CSMD1: variants seen among roughly 807,000 people sequenced by gnomAD.
CSMD1 encodes the protein CUB and sushi domain-containing protein 1.
A neutral mutation model predicts 417.5 loss-of-function variants in CSMD1; 213 were observed. That is an observed-to-expected ratio of 0.51 (90% confidence interval 0.46 to 0.57). The LOEUF (loss-of-function observed/expected upper bound fraction) is 0.57. CSMD1 is among the 20% of genes least tolerant of loss of function. CSMD1 has a pLI of 0.00. For synonymous variants in CSMD1, 2,862 were observed against 1,736.8 expected (o/e 1.65, Z -16.11); for missense variants, 6,923 against 4,529.7 (o/e 1.53, Z -15.17).
At chr8:3,484,849 A>G (rs1024684730) in intron 11 of CSMD1, among the ~76,000 whole-genome samples, 1 of 152,206 alleles carries the variant, frequency 6.6e-6, no homozygotes, top group Admixed American at 6.5e-5. Flanking sequence ...AGCCATCAGG[A>G]AAATGCAAAT....
chr8:3,875,004 C>G (rs1479828047), intron 5 of CSMD1, among the ~76,000 whole-genome samples: 1 of 151,228 alleles, frequency 6.6e-6, no homozygotes, highest in Non-Finnish European at 1.5e-5. Context: ...TGCATCATCT[C>G]AAGAAGAATG....
chr8:4,582,666 G>A (rs922154584), intron 2 of CSMD1, among the ~76,000 whole-genome samples: 4 of 152,204 alleles, frequency 2.6e-5, no homozygotes, highest in Admixed American at 6.5e-5. Context: ...CAGCAGGCTG[G>A]CAGTCCTCCC....
intron 3 of CSMD1, among the ~76,000 whole-genome samples, chr8:4,256,082 C>A (rs375477917): frequency 6.6e-6 from 1 of 152,166 alleles, no homozygotes; most frequent in Non-Finnish European, 1.5e-5. Context: ...TGTAGGCAAA[C>A]GTAGGTGAAT....
At chr8:3,862,848 C>G (rs1051130775) in intron 5 of CSMD1, among the ~76,000 whole-genome samples, 1 of 152,158 alleles carries the variant, frequency 6.6e-6, no homozygotes, top group Non-Finnish European at 1.5e-5. Context: ...GTGTCAAAAT[C>G]TCTTGGTCAT....
At chr8:3,886,837 A>C (rs1806597203) in intron 5 of CSMD1, among the ~76,000 whole-genome samples, 1 of 152,172 alleles carries the variant, frequency 6.6e-6, no homozygotes, top group African/African-American at 2.4e-5. Flanking sequence ...CACAGATCTA[A>C]TTCAAAACTT....
At chr8:3,068,173 TTCTC>T (rs1366693277) in intron 49 of CSMD1, among the ~76,000 whole-genome samples, 1 of 152,240 alleles carries the variant, frequency 6.6e-6, no homozygotes, top group Non-Finnish European at 1.5e-5. Flanking sequence ...TTTTCACCAT[TTCTC>T]TCTGTGGTAA....
chr8:4,488,923 T>C (rs1801558674), intron 2 of CSMD1, among the ~76,000 whole-genome samples: 1 of 152,208 alleles, frequency 6.6e-6, no homozygotes, highest in African/African-American at 2.4e-5. Flanking sequence ...AACATTTTTT[T>C]ATTTTTGAGA....
intron 3 of CSMD1, among the ~76,000 whole-genome samples, chr8:4,216,089 T>C (rs1305022678): frequency 6.6e-6 from 1 of 152,222 alleles, no homozygotes; most frequent in African/African-American, 2.4e-5. Context: ...ATGCTATTTC[T>C]TGGCATGCAG....
intron 10 of CSMD1, among the ~76,000 whole-genome samples, chr8:3,494,901 G>A (rs1796303406): frequency 6.6e-6 from 1 of 152,172 alleles, no homozygotes; most frequent in Non-Finnish European, 1.5e-5. Flanking sequence ...GTAAGTGGTA[G>A]CATAGAGAAG....
chr8:4,669,415 A>G (rs1288790573), intron 1 of CSMD1, among the ~76,000 whole-genome samples: 1 of 152,196 alleles, frequency 6.6e-6, no homozygotes, highest in Non-Finnish European at 1.5e-5. Flanking sequence ...ATTTGAGAAA[A>G]TAGTTGTAGT....
intron 3 of CSMD1, among the ~76,000 whole-genome samples, chr8:4,128,490 A>G (rs936773264): frequency 6.6e-6 from 1 of 150,666 alleles, no homozygotes; most frequent in African/African-American, 2.4e-5. Flanking sequence ...AAAATTTAAA[A>G]CAACCAAACA....
At chr8:3,585,471 T>C (rs1306710465) in intron 9 of CSMD1, among the ~76,000 whole-genome samples, 1 of 152,218 alleles carries the variant, frequency 6.6e-6, no homozygotes, top group Non-Finnish European at 1.5e-5. Context: ...TTAATTTTAT[T>C]ATTATTTTCA....
chr8:4,353,102 A>T (rs1002666477), intron 3 of CSMD1, among the ~76,000 whole-genome samples: 2 of 152,206 alleles, frequency 1.3e-5, no homozygotes. Flanking sequence ...ACCTGAAGTA[A>T]TATAACATTC....
At chr8:4,150,596 C>G (rs1835061960) in intron 3 of CSMD1, among the ~76,000 whole-genome samples, 1 of 152,158 alleles carries the variant, frequency 6.6e-6, no homozygotes, top group Non-Finnish European at 1.5e-5. Flanking sequence ...GTAAAACAAG[C>G]AAACAAACCA....
intron 1 of CSMD1, among the ~76,000 whole-genome samples, chr8:4,912,980 G>A (rs756093947): frequency 6.6e-6 from 1 of 152,088 alleles, no homozygotes; most frequent in Non-Finnish European, 1.5e-5. Flanking sequence ...GTAGAGATGG[G>A]GTTTTACCGT....
intron 2 of CSMD1, among the ~76,000 whole-genome samples, chr8:4,594,195 CTTT>C (rs771415822): frequency 7.6e-5 from 7 of 92,374 alleles, no homozygotes; most frequent in Admixed American, 4.0e-4. Context: ...CTAAAGTGAT[CTTT>C]TTTTTTTTTT....
chr8:3,693,675 T>G (rs1301098884), intron 7 of CSMD1, among the ~76,000 whole-genome samples: 1 of 152,072 alleles, frequency 6.6e-6, no homozygotes, highest in Non-Finnish European at 1.5e-5. Flanking sequence ...TAAAAAGATA[T>G]AAAGAGAAAA....
intron 1 of CSMD1, among the ~76,000 whole-genome samples, chr8:4,854,952 C>G (rs926571121): frequency 3.3e-5 from 5 of 152,204 alleles, no homozygotes; most frequent in African/African-American, 4.8e-5. Flanking sequence ...GGCTCCACCT[C>G]TGGGGGCAGG....
Position 2,942,442 on chromosome 8 carries a change from A to G in CSMD1, c.10535+30T>C, listed in dbSNP as rs757302349. On this transcript the variant is annotated intron_variant, in intron 69 of 69. Transcript: ENST00000635120. Reference sequence around the variant, plus strand: ...TAAACCCATAGTTTACACTCACAACATTCTCAAACAGATGGTGTTTCTGCA... The same window carrying G: ...TAAACCCATAGTTTACACTCACAACGTTCTCAAACAGATGGTGTTTCTGCA... 2.5e-6 allele frequency: 4 copies of G among 1,596,818 alleles called. No individual in the cohort carries two copies. In the African/African-American group the frequency reaches 4.0e-5, roughly 16 times the overall value.
Sources: gnomAD v4.1 joint callset for allele counts (sites outside exome capture counted in the v4.1 genomes callset) on GRCh38, gnomAD v4.1.1 for gene constraint, MANE v1.5 for transcripts, NCBI Gene and HGNC (gene_info 2026-07-23, HGNC 2026-07-21) for gene names.